The following PKHD1 variants were observed in gnomAD, a reference collection of about 807,000 sequenced individuals.
PKHD1 encodes PKHD1 ciliary IPT domain containing fibrocystin/polyductin, also known as fibrocystin.
In PKHD1, 291 loss-of-function variants were observed where a neutral mutation model predicts 412.0. The ratio of observed to expected loss-of-function variants is 0.71; its 90% CI spans 0.64 to 0.78. PKHD1 has a LOEUF of 0.78. PKHD1 is among the 30% of genes least tolerant of loss of function. The probability of loss-of-function intolerance (pLI) is 0.00; values close to 1 mark genes in which losing one functional copy is unlikely to be tolerated. For missense variants in PKHD1, 4,825 were observed against 4,950.7 expected (o/e 0.97, Z 0.76); for synonymous variants, 1,777 against 1,821.5 (o/e 0.98, Z 0.62).
At chr6:51,807,469 A>G (rs1343363140) in intron 52 of PKHD1, among the ~76,000 whole-genome samples, 3 of 113,334 alleles carry the variant, frequency 2.6e-5, no homozygotes, top group African/African-American at 1.2e-4. Flanking sequence ...ATATATATAT[A>G]TATATATATA....
At chr6:51,712,780 C>A (rs1406097952) in intron 60 of PKHD1, among the ~76,000 whole-genome samples, 1 of 152,184 alleles carries the variant, frequency 6.6e-6, no homozygotes, top group African/African-American at 2.4e-5. Context: ...CAACTTACTC[C>A]TCTAAAACGT....
intron 21 of PKHD1, among the ~76,000 whole-genome samples, chr6:52,051,102 A>G (rs958399457): frequency 2.0e-5 from 3 of 152,262 alleles, no homozygotes; most frequent in Non-Finnish European, 2.9e-5. Context: ...TAGGTGGTCA[A>G]TAAATGATTA....
At position 51,981,993 on chromosome 6, in the gene PKHD1, G is replaced by A. The variant is rs1795398278; in HGVS notation, c.5752-21967C>T. On this transcript the variant is annotated intron_variant, in intron 35 of 66. Coordinates refer to ENST00000371117, the MANE Select transcript of PKHD1 (RefSeq NM_138694.4). ...CCGCCCTGTCTGGGATGTGAGGAGC[G>A]CCTCTGCTGGCCGCAACCCCGTCTG... Among the ~76,000 whole-genome samples the A allele has an allele frequency of 2.8e-5, 2 of 70,414 alleles. 1 individual carries two copies. Among genetic ancestry groups the A allele is most frequent in the Non-Finnish European group, 7.4e-5 (2 of 27,096 alleles). The allele number at this position is 70,414 out of a possible 152,430, so 46.2% of individuals were successfully genotyped here. A position where few individuals can be genotyped will look rare whatever the true frequency, so the allele number is the denominator to read the frequency against.
intron 45 of PKHD1, among the ~76,000 whole-genome samples, chr6:51,884,578 G>T (rs1302425055): frequency 1.3e-5 from 2 of 152,016 alleles, no homozygotes; most frequent in East Asian, 3.8e-4. Context: ...GCAATTCCAA[G>T]AATATTTTTA....
intron 28 of PKHD1, among the ~76,000 whole-genome samples, 195 bp downstream of exon 28, chr6:52,035,396 G>A (rs1458239510): frequency 6.6e-6 from 1 of 152,146 alleles, no homozygotes; most frequent in Non-Finnish European, 1.5e-5. Context: ...ATTAATTGAT[G>A]TTAATTACAA....
chr6:51,881,919 C>T (rs558073817), intron 46 of PKHD1, among the ~76,000 whole-genome samples: 6 of 152,280 alleles, frequency 3.9e-5, no homozygotes, highest in Admixed American at 6.5e-5. Flanking sequence ...TACTACATTC[C>T]TAGTGAATTA....
At chr6:51,725,926 G>A (rs977459402) in intron 60 of PKHD1, among the ~76,000 whole-genome samples, 2 of 152,200 alleles carry the variant, frequency 1.3e-5, no homozygotes, top group Admixed American at 6.5e-5. Flanking sequence ...CCATATTTTA[G>A]CATTGTTGTT....
At position 52,046,052 on chromosome 6, in the gene PKHD1, C is replaced by T. The variant is rs1292681068; in HGVS notation, c.2544G>A (p.Trp848Ter). The change falls in exon 24 of 67, where the codon TGG becomes TGA. Residue 848 changes from tryptophan (W) to a stop codon, truncating the protein, a stop_gained. Coordinates refer to ENST00000371117, the MANE Select transcript of PKHD1 (RefSeq NM_138694.4). LOFTEE classifies it high-confidence loss of function. ...CAATCTGAGTGGACCAGGACAAGGT[C>T]CACACGTGTTCGTAGCAAGTGTATA... ...EDLYTCYEHVWTLSWSTQIGD... is the reference protein window; with the variant it reads ...EDLYTCYEHV The T allele has an allele frequency of 6.2e-7, 1 of 1,613,598 alleles. No individual in the cohort carries two copies. Among genetic ancestry groups the T allele is most frequent in the African/African-American group, 1.3e-5 (1 of 74,870 alleles).
chr6:51,775,326 A>G (rs556344565), intron 54 of PKHD1, among the ~76,000 whole-genome samples: 1 of 151,946 alleles, frequency 6.6e-6, no homozygotes, highest in South Asian at 2.1e-4. Context: ...TTGGGGATAC[A>G]TACATATGGT....
At chr6:52,086,309 C>T (rs1812785744) in intron 1 of PKHD1, among the ~76,000 whole-genome samples, 1 of 151,818 alleles carries the variant, frequency 6.6e-6, no homozygotes, top group Admixed American at 6.6e-5. Context: ...CAGGTTTTCA[C>T]CATGATAGCC....
chr6:51,634,516 G>C (rs1768292484), intron 64 of PKHD1, among the ~76,000 whole-genome samples: 1 of 152,148 alleles, frequency 6.6e-6, no homozygotes, highest in African/African-American at 2.4e-5. Context: ...CTCAGTAATT[G>C]TTTACTGGGT....
chr6:51,896,375 A>C (rs888159437), intron 43 of PKHD1, among the ~76,000 whole-genome samples: 6 of 151,980 alleles, frequency 3.9e-5, no homozygotes, highest in African/African-American at 1.5e-4. Context: ...CGAGCAGCCT[A>C]ACTGGGAGGC....
At chr6:51,950,220 A>AAAAAAAAAAAAAAATATATATATATAT in intron 36 of PKHD1, among the ~76,000 whole-genome samples, 5 of 98,302 alleles carry the variant, frequency 5.1e-5, no homozygotes, top group African/African-American at 1.9e-4. Flanking sequence ...GAAAAAAAAA[A>AAAAAAAAAAAAAAATATATATATATAT]ATATATATAT....
intron 35 of PKHD1, among the ~76,000 whole-genome samples, chr6:52,006,188 A>T (rs1020537819): frequency 1.4e-4 from 21 of 151,614 alleles, no homozygotes; most frequent in Middle Eastern, 3.4e-3. Flanking sequence ...ATATATATAT[A>T]TTTTAGACGG....
intron 37 of PKHD1, among the ~76,000 whole-genome samples, chr6:51,925,906 C>A (rs1785525790): frequency 6.6e-6 from 1 of 150,632 alleles, no homozygotes; most frequent in Non-Finnish European, 1.5e-5. Flanking sequence ...GTTTTTCATT[C>A]ACTTATTCAA....
chr6:51,775,864 G>C lies in PKHD1; in HGVS notation c.8498C>G (p.Ser2833Ter). The C allele has an allele frequency of 1.9e-6, 3 of 1,602,552 alleles. No individual in the cohort carries two copies. Among genetic ancestry groups the C allele is most frequent in the East Asian group, 4.5e-5 (2 of 44,700 alleles). Residue 2833 changes from serine to a stop codon, truncating the protein, a stop_gained, in exon 54 of 67, where the codon TCA becomes TGA. Transcript: ENST00000371117. LOFTEE classifies it high-confidence loss of function. ...EQKLLILLRASEGVFCDRMNG... is the reference protein window; with the variant it reads ...EQKLLILLRA ...CATACGGTCACAAAAGACTCCCTCT[G>C]AGGCTCTAAGGAGAATCAGAAGCTT...
In PKHD1 at chr6:51,748,002, A is replaced by C. The variant is rs748925411; in HGVS notation, c.9614T>G (p.Ile3205Ser). 6.2e-7 allele frequency: 1 copy of C among 1,614,108 alleles called. No homozygotes were observed. Among genetic ancestry groups the C allele is most frequent in the Non-Finnish European group, 8.5e-7 (1 of 1,179,978 alleles). Residue 3205 changes from isoleucine (I) to serine (S), a missense_variant, in exon 58 of 67, where the codon ATT (isoleucine) becomes AGT (serine). By Grantham distance (142) the Ile-to-Ser change is moderately radical. Transcript: ENST00000371117. ...GTCAAAAGAAGAGCTGGTGGCCACA[A>C]TGACTGAATTCCTAAGCACAATCTG... ...KVQIVLRNSV[I>S]VATSSSFDCI...
intron 55 of PKHD1, among the ~76,000 whole-genome samples, chr6:51,764,387 T>C (rs912443079): frequency 5.4e-5 from 8 of 148,278 alleles, no homozygotes; most frequent in Admixed American, 4.8e-4. Context: ...CCAGTTAGAA[T>C]GGCAATCATT....
At position 51,674,189 on chromosome 6, in the gene PKHD1, T is replaced by C. The variant is rs569675975; in HGVS notation, c.10157-14220A>G. On this transcript the variant is annotated intron_variant, in intron 60 of 66. Transcript: ENST00000371117. ...GTATACTGCTTAAGGAGATCTTATG[T>C]GGCAGGATGGTGGTCACACCATTGT... Among the ~76,000 whole-genome samples the C allele has an allele frequency of 1.1e-4, 17 of 152,344 alleles. No homozygotes were observed. In the East Asian group the frequency reaches 2.5e-3, roughly 22 times the overall value.
Sources: gnomAD v4.1 joint callset for allele counts (sites outside exome capture counted in the v4.1 genomes callset) on GRCh38, gnomAD v4.1.1 for gene constraint, MANE v1.5 for transcripts, NCBI Gene and HGNC (gene_info 2026-07-23, HGNC 2026-07-21) for gene names.